Variants in ERBB4 observed in about 807,000 individuals in gnomAD.
ERBB4 encodes the protein erb-b2 receptor tyrosine kinase 4.
Under a neutral mutation model 158.0 loss-of-function variants are expected in ERBB4, and 42 were observed. That is an observed-to-expected ratio of 0.27 (90% confidence interval 0.21 to 0.34). The LOEUF is 0.34. ERBB4 is among the 10% of genes least tolerant of loss of function. The probability of loss-of-function intolerance (pLI) is 1.00; values close to 1 mark genes in which losing one functional copy is unlikely to be tolerated. For missense variants in ERBB4, 1,333 were observed against 1,624.1 expected (o/e 0.82, Z 3.08); for synonymous variants, 583 against 558.7 (o/e 1.04, Z -0.61).
intron 2 of ERBB4, among the ~76,000 whole-genome samples, chr2:212,123,597 A>G (rs868781694): frequency 5.4e-4 from 82 of 152,178 alleles, no homozygotes; most frequent in African/African-American, 1.9e-3. Flanking sequence ...GAATAAGGAA[A>G]TACCTTCAGT....
chr2:211,397,688 C>A (rs1193733257), intron 25 of ERBB4, among the ~76,000 whole-genome samples: 1 of 152,102 alleles, frequency 6.6e-6, no homozygotes, highest in African/African-American at 2.4e-5. Context: ...GTTTCAGGCC[C>A]GTGATTCTTT....
intron 3 of ERBB4, among the ~76,000 whole-genome samples, chr2:211,830,026 T>A (rs1438383976): frequency 6.6e-6 from 1 of 152,140 alleles, no homozygotes; most frequent in Non-Finnish European, 1.5e-5. Context: ...CAGCAAAAGT[T>A]TCACCCGCTT....
intron 2 of ERBB4, among the ~76,000 whole-genome samples, chr2:211,998,526 T>A (rs2076024349): frequency 1.0e-5 from 1 of 95,646 alleles, no homozygotes; most frequent in Admixed American, 1.1e-4. Context: ...TAACTCATAC[T>A]GCCAAAAAAA....
intron 1 of ERBB4, chr2:212,125,105 CAG>C (rs1400402104): frequency 1.7e-6 from 1 of 596,722 alleles, no homozygotes; most frequent in Non-Finnish European, 3.0e-6. Context: ...GTGCTAATCA[CAG>C]AGAGTAGGAA....
At chr2:211,578,698 T>C (rs1040843395) in intron 19 of ERBB4, among the ~76,000 whole-genome samples, 11 of 152,174 alleles carry the variant, frequency 7.2e-5, no homozygotes, top group Non-Finnish European at 1.6e-4. Context: ...CAAGAAGCAA[T>C]GGGGAAAGGA....
chr2:212,468,087 C>T (rs1318987829), intron 1 of ERBB4, among the ~76,000 whole-genome samples: 1 of 152,152 alleles, frequency 6.6e-6, no homozygotes, highest in African/African-American at 2.4e-5. Context: ...TTACCCAATT[C>T]CTGTACCCCC....
intron 1 of ERBB4, among the ~76,000 whole-genome samples, chr2:212,509,055 CCTT>C (rs1691356705): frequency 6.6e-6 from 1 of 151,984 alleles, no homozygotes; most frequent in Non-Finnish European, 1.5e-5. Context: ...AATTTTAGTT[CCTT>C]CTTCTTAAAG....
intron 12 of ERBB4, among the ~76,000 whole-genome samples, chr2:211,681,352 C>A (rs1156547533): frequency 6.6e-6 from 1 of 152,138 alleles, no homozygotes; most frequent in Non-Finnish European, 1.5e-5. Flanking sequence ...TGGGCATACA[C>A]TTTCTTGTCC....
intron 3 of ERBB4, among the ~76,000 whole-genome samples, chr2:211,888,599 G>T (rs957145694): frequency 6.6e-6 from 1 of 152,122 alleles, no homozygotes; most frequent in African/African-American, 2.4e-5. Context: ...CGTGAGCGAC[G>T]CAGAAGACGG....
intron 4 of ERBB4, among the ~76,000 whole-genome samples, chr2:211,772,955 A>ATATATATATATATTTTT: frequency 1.2e-5 from 1 of 83,296 alleles, no homozygotes; most frequent in East Asian, 4.1e-4. Flanking sequence ...ATATATATAT[A>ATATATATATATATTTTT]TTTTTTTTTT....
At chr2:212,029,273 T>A (rs2076846056) in intron 2 of ERBB4, among the ~76,000 whole-genome samples, 1 of 152,070 alleles carries the variant, frequency 6.6e-6, no homozygotes, top group African/African-American at 2.4e-5. Context: ...CACTGCCTCT[T>A]CAATAAAGCT....
rs141238274 is a variant in ERBB4, at chr2:212,012,622, C to G, written c.235-65006G>C. 9.0e-3 allele frequency among the ~76,000 whole-genome samples: 1,377 copies of G among 152,166 alleles called. 13 individuals carry two copies. Among genetic ancestry groups the G allele is most frequent in the African/African-American group, 0.031 (1,281 of 41,506 alleles). On this transcript the variant is annotated intron_variant, in intron 2 of 27. Transcript: ENST00000342788. ...CAGAGATGGGGCTTCACCATCTTGG[C>G]CAGGCTGGTCCTGAACTCCTGACCC...
chr2:211,401,388 T>A (rs1277310415), intron 25 of ERBB4, among the ~76,000 whole-genome samples: 4 of 152,112 alleles, frequency 2.6e-5, no homozygotes, highest in South Asian at 2.1e-4. Context: ...ATTTTTTTTT[T>A]AATCACTTCT....
At chr2:212,256,097 G>T (rs1372673342) in intron 1 of ERBB4, among the ~76,000 whole-genome samples, 2 of 151,532 alleles carry the variant, frequency 1.3e-5, no homozygotes, top group African/African-American at 4.9e-5. Flanking sequence ...GCCTCCCAAA[G>T]TGCTGGGATT....
chr2:212,117,196 T>G (rs2079596316), intron 2 of ERBB4, among the ~76,000 whole-genome samples: 2 of 152,214 alleles, frequency 1.3e-5, no homozygotes, highest in Admixed American at 1.3e-4. Context: ...TTTAGCATTC[T>G]TTATCTCACC....
chr2:211,432,219 C>A (rs1172674142), intron 20 of ERBB4, among the ~76,000 whole-genome samples: 1 of 152,170 alleles, frequency 6.6e-6, no homozygotes, highest in Non-Finnish European at 1.5e-5. Context: ...AACATTACAA[C>A]TGCAGGACTT....
intron 2 of ERBB4, among the ~76,000 whole-genome samples, chr2:212,102,911 C>A (rs1467441673): frequency 6.6e-6 from 1 of 151,988 alleles, no homozygotes; most frequent in Admixed American, 6.6e-5. Context: ...TTTCATTATC[C>A]AACACACTAT....
rs1439370400 is a variant in ERBB4, at chr2:211,966,441, T to A, written c.235-18825A>T. Among the ~76,000 whole-genome samples, 3 of 151,822 alleles carry A rather than the reference T, an allele frequency of 2.0e-5. No individual in the cohort carries two copies. The East Asian group carries it at 5.8e-4, about 30-fold the overall frequency. The stretch of plus-strand genomic sequence containing the variant: ...ATTTTTAGTAGAGACGGGGTTTCAC[T>A]GTGTTGGCCAGGCTGGTCTCAAACT... On this transcript the variant is annotated intron_variant, in intron 2 of 27. Transcript: ENST00000342788.
intron 7 of ERBB4, among the ~76,000 whole-genome samples, chr2:211,716,086 G>T (rs1361513481): frequency 6.6e-6 from 1 of 152,164 alleles, no homozygotes; most frequent in Non-Finnish European, 1.5e-5. Flanking sequence ...TGTCCGACCG[G>T]GCACAGTGGC....
Sources: allele counts gnomAD v4.1 joint callset (sites outside exome capture counted in the v4.1 genomes callset), GRCh38; gene constraint gnomAD v4.1.1; transcripts MANE v1.5; gene names NCBI Gene and HGNC (gene_info 2026-07-23, HGNC 2026-07-21).